Variants in SNAPC4 observed in about 807,000 individuals in gnomAD.
SNAPC4 encodes small nuclear RNA activating complex polypeptide 4.
Under a neutral mutation model 151.3 loss-of-function variants are expected in SNAPC4, and 127 were observed. That is an observed-to-expected ratio of 0.84 (90% CI 0.73 to 0.97). The LOEUF is 0.97. Among genes scored for constraint, SNAPC4 ranks in the 50% least tolerant of loss-of-function variants. The pLI is 0.00. For synonymous variants in SNAPC4, 1,002 were observed against 824.4 expected, an observed-to-expected ratio of 1.22 and a Z score of -3.69; for missense variants, 2,186 against 1,935.0, an observed-to-expected ratio of 1.13 and a Z score of -2.43.
In SNAPC4 at chr9:136,394,721, G is replaced by C. The variant is rs549809289; in HGVS notation, c.550+79C>G. 6.1e-6 allele frequency: 8 copies of C among 1,300,994 alleles called. No individual in the cohort carries two copies. In the South Asian group the frequency reaches 8.6e-5, roughly 14 times the overall value. The allele number at this position is 1,300,994 out of a possible 1,614,324, so 80.6% of individuals were successfully genotyped here. On this transcript the variant is annotated intron_variant, in intron 6 of 23. Transcript: ENST00000684778. ...ACAACAGAGAGAGGTCTGAGAACTT[G>C]GGGAGAAACTGGGGAAAGGAGGGCC...
Position 136,377,888 on chromosome 9 carries a change from A to AGG in SNAPC4, c.3938_3939insCC (p.Ser1315CysfsTer93). 2 of 1,611,424 alleles carry AGG rather than the reference A, an allele frequency of 1.2e-6. No homozygotes were observed. The highest frequency in any genetic ancestry group is 1.7e-6 in the Non-Finnish European group (2 of 1,179,806). ...TCTTGTGGAGTAGGAGACCGGACAGAGCTCGCAGGCTGCACAGGGCTGGGG... is the reference window on the plus strand; with the variant it reads ...TCTTGTGGAGTAGGAGACCGGACAGAGGGCTCGCAGGCTGCACAGGGCTGGGG... On this transcript the variant is annotated frameshift_variant, in exon 22 of 24. Transcript: ENST00000684778. LOFTEE classifies it high-confidence loss of function.
chr9:136,389,337 G>A (rs1011578487), intron 10 of SNAPC4, among the ~76,000 whole-genome samples: 29 of 152,026 alleles, frequency 1.9e-4, no homozygotes, highest in African/African-American at 7.0e-4. Flanking sequence ...GCTGCTGGGT[G>A]GCAGAGGGCG....
At position 136,378,050 on chromosome 9, in the gene SNAPC4, T is replaced by C. The variant is rs3812565; in HGVS notation, c.3777A>G (p.Leu1259=). The C allele has an allele frequency of 0.38, 596,945 of 1,576,956 alleles. 115,843 individuals are homozygous for C. The highest frequency in any genetic ancestry group is 0.51 in the Admixed American group (27,622 of 54,496). The change falls in exon 22 of 24, where the codon CTA becomes CTG. Residue 1259 remains leucine, a synonymous_variant. Transcript: ENST00000684778. The part of the protein sequence containing the change: ...KGALDLEKPP[L]PQPGPEKGAL... ...CCCCCTTCTCAGGCCCAGGCTGGGG[T>C]AGGGGCGGCTTCTCCAGGTCCAGGG...
chr9:136,378,242 AGGGT>A lies in SNAPC4; in HGVS notation c.3581_3584del (p.Asp1194ValfsTer212). The A allele has an allele frequency of 6.2e-7, 1 of 1,610,552 alleles. No individual in the cohort carries two copies. Among genetic ancestry groups the A allele is most frequent in the Non-Finnish European group, 8.5e-7 (1 of 1,179,050 alleles). On this transcript the variant is annotated frameshift_variant, in exon 22 of 24. Transcript: ENST00000684778. LOFTEE classifies it high-confidence loss of function. ...CGGACCAAGGGGGTTCTGCTTCAGGAGGGTCAGCGTGGGAGGACGTCCTGGGCTC... is the reference window on the plus strand; with the variant it reads ...CGGACCAAGGGGGTTCTGCTTCAGGACAGCGTGGGAGGACGTCCTGGGCTC...
chr9:136,397,281 C>T (rs986612521), intron 2 of SNAPC4, among the ~76,000 whole-genome samples: 1 of 152,152 alleles, frequency 6.6e-6, no homozygotes, highest in South Asian at 2.1e-4. Flanking sequence ...ACAGGGTTCA[C>T]TGGATGGCAC....
chr9:136,392,978 TG>T (rs1279632875), intron 7 of SNAPC4, among the ~76,000 whole-genome samples: 1 of 152,184 alleles, frequency 6.6e-6, no homozygotes, highest in Non-Finnish European at 1.5e-5. Flanking sequence ...AGGGCTGCAG[TG>T]TCTGCTGACA....
chr9:136,394,816 C>T lies in SNAPC4; in HGVS notation c.534G>A (p.Glu178=), dbSNP rs1436106259. Residue 178 remains glutamate, a synonymous_variant, in exon 6 of 24, where the codon GAG becomes GAA. Coordinates refer to ENST00000684778, the MANE Select transcript of SNAPC4 (RefSeq NM_003086.4). ...KAAQGIKAFE[E]LLVTKWKNWE... ...GGCTCTTACATTTGGTCACAAGGAG[C>T]TCCTCGAAAGCCTTGATCCCCTGGG... The T allele has an allele frequency of 6.2e-7, 1 of 1,613,916 alleles. No homozygotes were observed. The highest frequency in any genetic ancestry group is 2.2e-5 in the East Asian group (1 of 44,882).
chr9:136,398,658 A>G (rs1423090369), intron 1 of SNAPC4: 19 of 496,426 alleles, frequency 3.8e-5, no homozygotes, highest in Non-Finnish European at 6.5e-5. Flanking sequence ...CAGGAGCCTA[A>G]GCCCCAAGAA....
intron 11 of SNAPC4, 143 bp from the exon 12 acceptor site, chr9:136,387,991 G>A (rs1176546511): frequency 7.9e-6 from 5 of 634,746 alleles, no homozygotes; most frequent in Admixed American, 2.5e-5. Flanking sequence ...CTTTGGCCAG[G>A]TGCAGTGGCA....
chr9:136,388,858 A>G (rs991293412), intron 10 of SNAPC4, among the ~76,000 whole-genome samples: 2 of 152,232 alleles, frequency 1.3e-5, no homozygotes, highest in Non-Finnish European at 1.5e-5. Flanking sequence ...AAAATTCACA[A>G]TAGGTAAACT....
At chr9:136,381,219 T>C (rs993433743) in intron 19 of SNAPC4, 103 bp downstream of exon 19, 3 of 923,058 alleles carry the variant, frequency 3.3e-6, no homozygotes, top group African/African-American at 3.3e-5. Context: ...TAGAAAACTT[T>C]AGATAGCTAG....
At position 136,384,032 on chromosome 9, in the gene SNAPC4, C is replaced by T; in HGVS notation, c.1421G>A (p.Gly474Asp). The T allele has an allele frequency of 6.2e-7, 1 of 1,613,206 alleles. No individual in the cohort carries two copies. Among genetic ancestry groups the T allele is most frequent in the Non-Finnish European group, 8.5e-7 (1 of 1,179,592 alleles). ...CTCAGAAGCTATTTTTGCCCAGTGA[C>T]CTGCAAAAGCCAAACCCCATGGAAA... Reference protein sequence around the residue: ...LIELIEKYGVGHWAKIASELP... With the variant: ...LIELIEKYGVDHWAKIASELP... The change falls in exon 15 of 24, where the codon GGT becomes GAT. Residue 474 changes from glycine (G) to aspartate (D), a missense_variant and splice_region_variant. By Grantham distance (94) the Gly-to-Asp change is moderately conservative. Coordinates refer to ENST00000684778, the MANE Select transcript of SNAPC4 (RefSeq NM_003086.4).
chr9:136,389,311 C>T (rs541980928), intron 10 of SNAPC4, among the ~76,000 whole-genome samples: 49 of 152,036 alleles, frequency 3.2e-4, no homozygotes, highest in African/African-American at 1.1e-3. Context: ...CTGAGGTTTG[C>T]TTTTTCTGAA....
Position 136,392,462 on chromosome 9 carries a change from C to G in SNAPC4, c.810+60G>C, listed in dbSNP as rs575212963. ...GCCTTACCACCCAATTCCAACTGCA[C>G]CCGGGCTACAGGGAGCTGTGCTCCA... On this transcript the variant is annotated intron_variant, in intron 9 of 23. Coordinates refer to ENST00000684778, the MANE Select transcript of SNAPC4 (RefSeq NM_003086.4). The G allele has an allele frequency of 2.6e-6, 4 of 1,543,634 alleles. No individual in the cohort carries two copies. The Admixed American group carries it at 6.7e-5, about 26-fold the overall frequency.
intron 3 of SNAPC4, 53 bp from the exon 4 acceptor site, chr9:136,395,823 T>G (rs970635912): frequency 1.3e-6 from 2 of 1,545,716 alleles, no homozygotes; most frequent in African/African-American, 2.7e-5. Flanking sequence ...GATGCTCCCC[T>G]GTCCTCGGCA....
intron 13 of SNAPC4, among the ~76,000 whole-genome samples, chr9:136,385,313 C>T (rs755495324): frequency 3.3e-5 from 5 of 152,172 alleles, no homozygotes; most frequent in Non-Finnish European, 5.9e-5. Flanking sequence ...AAACCGGAGC[C>T]CTCATACATT....
chr9:136,394,700 CAG>C, intron 6 of SNAPC4, 98 bp downstream of exon 6: 6 of 1,085,980 alleles, frequency 5.5e-6, no homozygotes, highest in South Asian at 1.4e-5. Context: ...GAGGTCACAA[CAG>C]AGAGAGGTCT....
rs1482306054 is a variant in SNAPC4, at chr9:136,378,851, G to T, written c.2976C>A (p.Val992=). ...STMQALPLAP[V]FSEAEGTAPA... ...GGGCTGTGCCCTCGGCCTCTGAGAA[G>T]ACAGGAGCGAGGGGCAGGGCTTGCA... The change falls in exon 22 of 24, where the codon GTC becomes GTA. Residue 992 remains valine, a synonymous_variant. Coordinates refer to ENST00000684778, the MANE Select transcript of SNAPC4 (RefSeq NM_003086.4). 5.6e-6 allele frequency: 9 copies of T among 1,608,602 alleles called. No individual in the cohort carries two copies. The highest frequency in any genetic ancestry group is 7.6e-6 in the Non-Finnish European group (9 of 1,178,034).
Position 136,376,478 on chromosome 9 carries a change from C to A in SNAPC4, c.4288G>T (p.Ala1430Ser). The A allele has an allele frequency of 6.2e-7, 1 of 1,613,040 alleles. No individual in the cohort carries two copies. Among genetic ancestry groups the A allele is most frequent in the African/African-American group, 1.3e-5 (1 of 75,048 alleles). Residue 1430 changes from alanine (A) to serine (S), a missense_variant, in exon 23 of 24, where the codon GCC becomes TCC. By Grantham distance (99) the Ala-to-Ser change is moderately conservative. Coordinates refer to ENST00000684778, the MANE Select transcript of SNAPC4 (RefSeq NM_003086.4). ...GCAGAGCATTTACCAGAGTCTGGGG[C>A]TCCCTGAAAGAAAATCCAGGCAGTG... ...CTTATCPIQG[A>S]PDSGKCSASS...
Sources: gnomAD v4.1 joint callset for allele counts (sites outside exome capture counted in the v4.1 genomes callset) on GRCh38, gnomAD v4.1.1 for gene constraint, MANE v1.5 for transcripts, NCBI Gene and HGNC (gene_info 2026-07-23, HGNC 2026-07-21) for gene names.